The following DCDC1 variants were observed in gnomAD, a reference collection of about 807,000 sequenced individuals.
The protein encoded by DCDC1 is doublecortin domain containing 1.
Under a neutral mutation model 178.3 loss-of-function variants are expected in DCDC1, and 200 were observed. The observed-to-expected ratio is 1.12, with a 90% CI of 1.00 to 1.26. The LOEUF (loss-of-function observed/expected upper bound fraction) is 1.26, where lower values mean the gene tolerates loss of function less well. DCDC1 is among the 50% of genes most tolerant of loss of function. DCDC1 has a pLI of 0.00. For synonymous variants in DCDC1, 690 were observed against 604.8 expected, an observed-to-expected ratio of 1.14 and a Z score of -2.07; for missense variants, 1,983 against 1,749.2, an observed-to-expected ratio of 1.13 and a Z score of -2.38.
At chr11:30,917,367 C>CT (rs1945918867) in intron 25 of DCDC1, among the ~76,000 whole-genome samples, 1 of 152,142 alleles carries the variant, frequency 6.6e-6, no homozygotes, top group South Asian at 2.1e-4. Flanking sequence ...TGTAATGAGA[C>CT]TCCCTCTCTC....
At position 30,878,604 on chromosome 11, in the gene DCDC1, G is replaced by C; in HGVS notation, c.5341C>G (p.Leu1781Val). The change falls in exon 38 of 39, where the codon CTG (leucine) becomes GTG (valine). Residue 1781 changes from leucine to valine, a missense_variant. Coordinates refer to ENST00000684477, the MANE Select transcript of DCDC1 (RefSeq NM_001387274.1). ...VVSPSTKLLS[L>V]AHLHN ...AGGAGTTAATTGTGGAGATGTGCCA[G>C]AGACAGCAGCTTCGTGGATGGTGAC... is the stretch of plus-strand genomic sequence containing the variant. 1.9e-6 allele frequency: 3 copies of C among 1,605,856 alleles called. No homozygotes were observed. Among genetic ancestry groups the C allele is most frequent in the Non-Finnish European group, 2.5e-6 (3 of 1,177,352 alleles).
chr11:31,148,157 T>G (rs887237994), intron 9 of DCDC1, among the ~76,000 whole-genome samples: 1 of 143,174 alleles, frequency 7.0e-6, no homozygotes, highest in Admixed American at 7.4e-5. Context: ...GAGTCAGGAC[T>G]AATTTAGAAC....
chr11:31,213,396 A>C (rs1973083039), intron 9 of DCDC1, among the ~76,000 whole-genome samples: 1 of 151,846 alleles, frequency 6.6e-6, no homozygotes, highest in South Asian at 2.1e-4. Flanking sequence ...GGAGTATTAA[A>C]TCCCCAAAGC....
intron 20 of DCDC1, among the ~76,000 whole-genome samples, chr11:31,046,580 C>G (rs1339139624): frequency 6.7e-6 from 1 of 148,774 alleles, no homozygotes; most frequent in Non-Finnish European, 1.5e-5. Context: ...AATTAAGAGT[C>G]CTGTTAATCT....
chr11:31,018,846 T>C (rs924223640), intron 20 of DCDC1, among the ~76,000 whole-genome samples: 1 of 152,168 alleles, frequency 6.6e-6, no homozygotes, highest in Non-Finnish European at 1.5e-5. Context: ...CAGATAATTC[T>C]AAGATGTTGG....
At position 31,333,489 on chromosome 11, in the gene DCDC1, T is replaced by C. The variant is rs193258700; in HGVS notation, c.-7+1958A>G. ...TTCCTAGCATCAGTGGTCTTTACAA[T>C]TTGGCATGTTTTTGCAGTGGCTGGT... On this transcript the variant is annotated intron_variant, in intron 2 of 38. Transcript: ENST00000684477. Among the ~76,000 whole-genome samples the C allele has an allele frequency of 7.9e-4, 121 of 152,324 alleles. 1 individual carries two copies. Among genetic ancestry groups the C allele is most frequent in the Non-Finnish European group, 1.6e-3 (106 of 68,038 alleles).
chr11:31,080,573 C>T (rs1425320221), intron 17 of DCDC1, among the ~76,000 whole-genome samples: 1 of 152,042 alleles, frequency 6.6e-6, no homozygotes, highest in Non-Finnish European at 1.5e-5. Context: ...ACAAATTCTC[C>T]TAAGGTACTG....
chr11:31,321,411 C>T (rs1284176575), intron 3 of DCDC1, among the ~76,000 whole-genome samples: 2 of 149,326 alleles, frequency 1.3e-5, no homozygotes, highest in South Asian at 2.2e-4. Context: ...GGGAGTGACC[C>T]GATTTTCCAG....
At chr11:30,866,358 G>A (rs914756475) in intron 38 of DCDC1, among the ~76,000 whole-genome samples, 1 of 152,118 alleles carries the variant, frequency 6.6e-6, no homozygotes, top group African/African-American at 2.4e-5. Context: ...CTTGCTTCCT[G>A]TTTCATATGG....
intron 7 of DCDC1, among the ~76,000 whole-genome samples, chr11:31,289,826 G>A (rs1238957527): frequency 6.6e-6 from 1 of 151,892 alleles, no homozygotes; most frequent in Non-Finnish European, 1.5e-5. Context: ...CTGAGGCTCA[G>A]GGAAACAAAG....
At chr11:31,293,211 G>T (rs1484499721) in intron 6 of DCDC1, among the ~76,000 whole-genome samples, 4 of 152,130 alleles carry the variant, frequency 2.6e-5, no homozygotes, top group Admixed American at 2.6e-4. Context: ...TATATTAATT[G>T]TTACATCAGT....
intron 21 of DCDC1, chr11:30,944,030 G>A (rs1383879924): frequency 1.2e-5 from 3 of 258,562 alleles, no homozygotes; most frequent in Non-Finnish European, 2.3e-5. Context: ...GGTGTTGTTT[G>A]TTAGATGGTT....
chr11:31,188,469 A>G (rs1969768522), intron 9 of DCDC1, among the ~76,000 whole-genome samples: 1 of 152,230 alleles, frequency 6.6e-6, no homozygotes, highest in Non-Finnish European at 1.5e-5. Flanking sequence ...ACAGAAAGGC[A>G]GACAACAAGG....
chr11:31,146,212 C>T (rs1276044204), intron 9 of DCDC1, among the ~76,000 whole-genome samples: 2 of 151,836 alleles, frequency 1.3e-5, no homozygotes, highest in African/African-American at 4.8e-5. Context: ...GCTAGGATTA[C>T]CTGCTTGAAC....
In DCDC1 at chr11:31,144,866, T is replaced by C. The variant is rs183314377; in HGVS notation, c.1222-7082A>G. 3.8e-3 allele frequency among the ~76,000 whole-genome samples: 574 copies of C among 152,282 alleles called. 4 individuals carry two copies. Among genetic ancestry groups the C allele is most frequent in the African/African-American group, 0.013 (553 of 41,576 alleles). ...TTTCTCAGTATATTGTTGCTTTTGATGTTATTAAAGTTCCTTTTTGAGGTA... is the reference window on the plus strand; with the variant it reads ...TTTCTCAGTATATTGTTGCTTTTGACGTTATTAAAGTTCCTTTTTGAGGTA... On this transcript the variant is annotated intron_variant, in intron 9 of 38. Transcript: ENST00000684477.
In DCDC1 at chr11:31,265,309, T is replaced by C. The variant is rs200434272; in HGVS notation, c.1054+198A>G. Among the ~76,000 whole-genome samples the C allele has an allele frequency of 2.0e-5, 3 of 152,102 alleles. No individual in the cohort carries two copies. The East Asian group carries it at 5.8e-4, about 29-fold the overall frequency. ...AAATACCCATCAATTTTTTAAAAACTCCAAACTTGTGTTGAAATAAAAGAT... is the reference window on the plus strand; with the variant it reads ...AAATACCCATCAATTTTTTAAAAACCCCAAACTTGTGTTGAAATAAAAGAT... On this transcript the variant is annotated intron_variant, in intron 8 of 38. Coordinates refer to ENST00000684477, the MANE Select transcript of DCDC1 (RefSeq NM_001387274.1).
At chr11:31,229,781 G>A (rs946463237) in intron 9 of DCDC1, among the ~76,000 whole-genome samples, 1 of 152,070 alleles carries the variant, frequency 6.6e-6, no homozygotes, top group Non-Finnish European at 1.5e-5. Flanking sequence ...ACACAATGAT[G>A]ATCTGAATTG....
chr11:31,311,399 T>C (rs1223201196), intron 3 of DCDC1, among the ~76,000 whole-genome samples: 1 of 152,224 alleles, frequency 6.6e-6, no homozygotes, highest in Admixed American at 6.5e-5. Flanking sequence ...TCTGGCACAC[T>C]AAGATGAGCA....
intron 38 of DCDC1, among the ~76,000 whole-genome samples, chr11:30,870,424 T>C (rs1354135467): frequency 6.6e-6 from 1 of 152,150 alleles, no homozygotes; most frequent in Admixed American, 6.5e-5. Flanking sequence ...TGAACAGAAC[T>C]CATATTTTAA....
Sources: allele counts gnomAD v4.1 joint callset (sites outside exome capture counted in the v4.1 genomes callset), GRCh38; gene constraint gnomAD v4.1.1; transcripts MANE v1.5; gene names NCBI Gene and HGNC (gene_info 2026-07-23, HGNC 2026-07-21).